The following CDH11 variants were observed in gnomAD, a reference collection of about 807,000 sequenced individuals.
CDH11 encodes the protein cadherin 11, also known as cadherin-11.
Under a neutral mutation model 67.8 loss-of-function variants are expected in CDH11, and 11 were observed. The ratio of observed to expected loss-of-function variants is 0.16; its 90% confidence interval spans 0.10 to 0.27. The LOEUF (loss-of-function observed/expected upper bound fraction) is 0.27. Among genes scored for constraint, CDH11 ranks in the 10% least tolerant of loss-of-function variants. The pLI is 1.00. For missense variants in CDH11, 847 were observed against 1,031.2 expected (o/e 0.82, Z 2.45); for synonymous variants, 419 against 400.0 (o/e 1.05, Z -0.57).
At chr16:64,985,569 C>G (rs1167963971) in intron 7 of CDH11, 2 of 151,644 alleles carry the variant, frequency 1.3e-5, no homozygotes, top group African/African-American at 4.9e-5. Flanking sequence ...TGAGAACTGC[C>G]CCCACAAGAA....
In CDH11 at chr16:64,948,660, T is replaced by C. The variant is rs751796464; in HGVS notation, c.1895-561A>G. On this transcript the variant is annotated intron_variant, in intron 12 of 12. Coordinates refer to ENST00000268603, the MANE Select transcript of CDH11 (RefSeq NM_001797.4). ...CCACCACATAGAGGAAAGGAAGTTT[T>C]ATAAAGACCCCCAGAAGACAAAATC... 1 of 1,611,642 alleles carries C rather than the reference T, an allele frequency of 6.2e-7. No individual in the cohort carries two copies. The highest frequency in any genetic ancestry group is 1.7e-4 in the Middle Eastern group (1 of 6,060).
chr16:64,991,908 A>G lies in CDH11; in HGVS notation c.671T>C (p.Met224Thr). ...TGIIRTALPNMDREAKEEYHV... is the reference protein window; with the variant it reads ...TGIIRTALPNTDREAKEEYHV... Reference sequence around the variant, plus strand: ...GTACTCCTCCTTGGCCTCCCTGTCCATGTTGGGTAGGGCTGTTCTGATGAT... The same window carrying G: ...GTACTCCTCCTTGGCCTCCCTGTCCGTGTTGGGTAGGGCTGTTCTGATGAT... Residue 224 changes from methionine to threonine, a missense_variant, in exon 6 of 13, where the codon ATG (methionine) becomes ACG (threonine). Met to Thr is a moderately conservative substitution (Grantham distance 81, BLOSUM62 -1). Coordinates refer to ENST00000268603, the MANE Select transcript of CDH11 (RefSeq NM_001797.4). The G allele has an allele frequency of 6.2e-7, 1 of 1,613,460 alleles. No individual in the cohort carries two copies. The highest frequency in any genetic ancestry group is 8.5e-7 in the Non-Finnish European group (1 of 1,179,508).
chr16:65,076,156 A>T (rs2074505820), intron 1 of CDH11, among the ~76,000 whole-genome samples: 1 of 152,110 alleles, frequency 6.6e-6, no homozygotes, highest in Admixed American at 6.5e-5. Context: ...CAGCAAGAGG[A>T]TCCCAAATCC....
At chr16:65,088,400 T>C (rs1264434575) in intron 1 of CDH11, among the ~76,000 whole-genome samples, 1 of 152,242 alleles carries the variant, frequency 6.6e-6, no homozygotes, top group African/African-American at 2.4e-5. Flanking sequence ...CATGCTAAAA[T>C]GCTCACTACC....
At chr16:64,952,425 G>T (rs144566131) in intron 11 of CDH11, among the ~76,000 whole-genome samples, 80 of 152,238 alleles carry the variant, frequency 5.3e-4, no homozygotes, top group Middle Eastern at 3.4e-3. Context: ...AATATTTGTT[G>T]AACAAATGGC....
chr16:65,044,807 G>C (rs1328661984), intron 2 of CDH11, among the ~76,000 whole-genome samples: 4 of 152,138 alleles, frequency 2.6e-5, no homozygotes, highest in Non-Finnish European at 5.9e-5. Flanking sequence ...AAAGGACTTA[G>C]CAATTTATCC....
chr16:65,062,197 A>G (rs1462638977), intron 1 of CDH11, among the ~76,000 whole-genome samples: 1 of 152,214 alleles, frequency 6.6e-6, no homozygotes, highest in African/African-American at 2.4e-5. Context: ...AGGAGAACCC[A>G]TGCATGTAAT....
chr16:65,083,699 T>C (rs753753615), intron 1 of CDH11, among the ~76,000 whole-genome samples: 1 of 152,202 alleles, frequency 6.6e-6, no homozygotes, highest in African/African-American at 2.4e-5. Context: ...AACTCCCTTA[T>C]AAAGGATCTA....
Position 64,946,809 on chromosome 16 carries a change from A to ATTGCTTC in CDH11, c.*787_*793dup, listed in dbSNP as rs2071206544. ...AAAAAAATCTTTTTTTATTTCAAAG[A>ATTGCTTC]TTGCTTCTTATATTGAAGCTCATAT... On this transcript the variant is annotated 3_prime_UTR_variant, in exon 13 of 13. Coordinates refer to ENST00000268603, the MANE Select transcript of CDH11 (RefSeq NM_001797.4). The ATTGCTTC allele has an allele frequency of 1.1e-6, 1 of 874,898 alleles. No homozygotes were observed. The highest frequency in any genetic ancestry group is 1.4e-6 in the Non-Finnish European group (1 of 718,112). The allele number at this position is 874,898 out of a possible 1,614,324, so 54.2% of individuals were successfully genotyped here.
intron 1 of CDH11, among the ~76,000 whole-genome samples, chr16:65,069,640 G>A (rs1422358152): frequency 5.3e-5 from 8 of 152,018 alleles, no homozygotes; most frequent in Admixed American, 1.3e-4. Flanking sequence ...AAATAGAAAC[G>A]GAAAAATAGT....
chr16:64,975,928 T>C (rs1305219032), intron 8 of CDH11, among the ~76,000 whole-genome samples: 2 of 152,092 alleles, frequency 1.3e-5, no homozygotes, highest in African/African-American at 4.8e-5. Context: ...AGGTTGACAT[T>C]TAATTAAGGA....
At chr16:64,949,112 CTT>C (rs1371537289) in intron 12 of CDH11, among the ~76,000 whole-genome samples, 4 of 152,138 alleles carry the variant, frequency 2.6e-5, no homozygotes, top group African/African-American at 9.7e-5. Flanking sequence ...TTAGCGGACT[CTT>C]TTTTTCTTTC....
At chr16:64,974,977 A>G (rs2072122512) in intron 8 of CDH11, among the ~76,000 whole-genome samples, 1 of 152,136 alleles carries the variant, frequency 6.6e-6, no homozygotes, top group African/African-American at 2.4e-5. Context: ...TATCTTCTAA[A>G]ATGGAATGCG....
chr16:65,120,914 G>A (rs942551858), intron 1 of CDH11, among the ~76,000 whole-genome samples: 4 of 152,154 alleles, frequency 2.6e-5, no homozygotes, highest in Admixed American at 6.5e-5. Context: ...GGTTGGGGAG[G>A]GGGGAGAAGG....
At chr16:65,030,709 TAC>T (rs1214982438) in intron 2 of CDH11, among the ~76,000 whole-genome samples, 1 of 152,206 alleles carries the variant, frequency 6.6e-6, no homozygotes, top group African/African-American at 2.4e-5. Flanking sequence ...TAGCTGGGGC[TAC>T]AGGAGCATGC....
intron 4 of CDH11, among the ~76,000 whole-genome samples, chr16:64,995,137 T>A (rs1452051529): frequency 6.6e-6 from 1 of 152,030 alleles, no homozygotes; most frequent in East Asian, 1.9e-4. Flanking sequence ...TTTTCCCATT[T>A]GATATCATTA....
intron 11 of CDH11, among the ~76,000 whole-genome samples, chr16:64,955,831 A>T (rs1460962406): frequency 6.6e-6 from 1 of 152,172 alleles, no homozygotes; most frequent in East Asian, 1.9e-4. Flanking sequence ...TAAACAAACT[A>T]AAAACAATAA....
At chr16:64,952,790 G>A (rs568181974) in intron 11 of CDH11, among the ~76,000 whole-genome samples, 1 of 152,120 alleles carries the variant, frequency 6.6e-6, no homozygotes, top group Admixed American at 6.5e-5. Flanking sequence ...TAGCTGGTAG[G>A]CTTTAAATAG....
chr16:65,011,505 A>C (rs2073185244), intron 2 of CDH11, among the ~76,000 whole-genome samples: 1 of 152,174 alleles, frequency 6.6e-6, no homozygotes. Context: ...AAGGCCCCAG[A>C]CCTAAAACTT....
Sources: allele counts gnomAD v4.1 joint callset (sites outside exome capture counted in the v4.1 genomes callset), GRCh38; gene constraint gnomAD v4.1.1; transcripts MANE v1.5; gene names NCBI Gene and HGNC (gene_info 2026-07-23, HGNC 2026-07-21).